The following DIPK2B variants were observed in gnomAD, a reference collection of about 807,000 sequenced individuals.
The protein encoded by DIPK2B is divergent protein kinase domain 2B.
Under a neutral mutation model 22.2 loss-of-function variants are expected in DIPK2B, and 15 were observed. That is an observed-to-expected ratio of 0.68 (90% CI 0.45 to 1.04). DIPK2B has a LOEUF of 1.04. Among genes scored for constraint, DIPK2B ranks in the 50% least tolerant of loss-of-function variants. The pLI, the probability that DIPK2B is intolerant of heterozygous loss-of-function variation, is 0.00. For synonymous variants in DIPK2B, 163 were observed against 153.2 expected (o/e 1.06, Z -0.47); for missense variants, 345 against 348.3 (o/e 0.99, Z 0.08).
chrX:45,156,036 G>T (rs1186483931), intron 3 of DIPK2B, among the ~76,000 whole-genome samples: 4 of 94,896 alleles, frequency 4.2e-5, no homozygotes, highest in Non-Finnish European at 8.1e-5. Flanking sequence ...GTGTGATCTT[G>T]GCTCACTGCA....
chrX:45,190,489 T>C (rs1232038572), intron 2 of DIPK2B, among the ~76,000 whole-genome samples: 2 of 111,441 alleles, frequency 1.8e-5, no homozygotes, highest in Non-Finnish European at 3.8e-5. Context: ...TCAACTATAA[T>C]GCCGGGTGGT....
intron 3 of DIPK2B, among the ~76,000 whole-genome samples, chrX:45,155,195 G>A (rs1210411291): frequency 9.1e-6 from 1 of 109,779 alleles, no homozygotes; most frequent in Non-Finnish European, 1.9e-5. Flanking sequence ...GGCCGACGCA[G>A]GTGGATCACT....
At chrX:45,161,838 C>T (rs1236612231) in intron 2 of DIPK2B, among the ~76,000 whole-genome samples, 1 of 111,733 alleles carries the variant, frequency 8.9e-6, no homozygotes, top group Non-Finnish European at 1.9e-5. Context: ...ATATTGTTTG[C>T]TGAGGTGATT....
chrX:45,195,449 G>A (rs1266294251), intron 1 of DIPK2B, among the ~76,000 whole-genome samples: 3 of 111,795 alleles, frequency 2.7e-5, no homozygotes, highest in Non-Finnish European at 3.8e-5. Flanking sequence ...AGAATAAAAT[G>A]CCCTCTTCTC....
intron 2 of DIPK2B, among the ~76,000 whole-genome samples, chrX:45,172,678 G>A (rs2047089998): frequency 2.7e-5 from 3 of 111,914 alleles, no homozygotes; most frequent in African/African-American, 6.5e-5. Context: ...TCTGGCAGGC[G>A]ATTCAGCTAA....
chrX:45,157,960 A>T, intron 2 of DIPK2B, 72 bp from the exon 3 acceptor site: 11 of 241,761 alleles, frequency 4.5e-5, no homozygotes, highest in South Asian at 1.5e-4. Context: ...GGTTAGCAGG[A>T]GGGGGAATGG....
In DIPK2B at chrX:45,149,576, T is replaced by C. The variant is rs2046950068; in HGVS notation, c.*2076A>G. Reference sequence around the variant, plus strand: ...GGCTTTTCTGGGGTCCATTTTTGAATGGGAGTGAAGGAACCAGAATTGGGT... The same window carrying C: ...GGCTTTTCTGGGGTCCATTTTTGAACGGGAGTGAAGGAACCAGAATTGGGT... On this transcript the variant is annotated 3_prime_UTR_variant, in exon 5 of 5. Transcript: ENST00000398000. 8.9e-6 allele frequency: 1 copy of C among 112,858 alleles called. No homozygotes were observed. The highest frequency in any genetic ancestry group is 3.2e-5 in the African/African-American group (1 of 30,931). 9.3% of individuals were successfully genotyped at this position (112,858 alleles called of 1,213,427 possible).
At chrX:45,177,519 C>T (rs1408826323) in intron 2 of DIPK2B, among the ~76,000 whole-genome samples, 2 of 109,677 alleles carry the variant, frequency 1.8e-5, no homozygotes, top group African/African-American at 3.3e-5. Context: ...CTCCCTCTCT[C>T]TCCATGTGAT....
intron 2 of DIPK2B, among the ~76,000 whole-genome samples, chrX:45,167,119 A>T (rs1447570523): frequency 8.9e-6 from 1 of 112,475 alleles, no homozygotes; most frequent in East Asian, 2.8e-4. Flanking sequence ...GGATAATTAA[A>T]CCAAAAGTTA....
Position 45,149,173 on chromosome X carries a change from C to G in DIPK2B, c.*2479G>C, listed in dbSNP as rs975503675. 3 of 112,548 alleles carry G rather than the reference C, an allele frequency of 2.7e-5. No individual in the cohort carries two copies. The highest frequency in any genetic ancestry group is 9.4e-5 in the Admixed American group (1 of 10,649). 9.3% of individuals were successfully genotyped at this position (112,548 alleles called of 1,213,427 possible). A position where few individuals can be genotyped will look rare whatever the true frequency, so the allele number is the denominator to read the frequency against. On this transcript the variant is annotated 3_prime_UTR_variant, in exon 5 of 5. Coordinates refer to ENST00000398000, the MANE Select transcript of DIPK2B (RefSeq NM_176819.4). Reference sequence around the variant, plus strand: ...GAGGCATTTTGCGGTGGAAACACACCTGGATGCAGGGAGAAGGGCTGGGGC... The same window carrying G: ...GAGGCATTTTGCGGTGGAAACACACGTGGATGCAGGGAGAAGGGCTGGGGC...
At chrX:45,165,967 T>C (rs960083581) in intron 2 of DIPK2B, among the ~76,000 whole-genome samples, 3 of 112,010 alleles carry the variant, frequency 2.7e-5, no homozygotes, top group Non-Finnish European at 5.6e-5. Flanking sequence ...TGTCCCCTTA[T>C]AGCTGAAGCT....
chrX:45,163,089 A>G (rs2047030324), intron 2 of DIPK2B: 1 of 286,863 alleles, frequency 3.5e-6, no homozygotes, highest in African/African-American at 2.9e-5. Flanking sequence ...TGTGATTAGC[A>G]CCTACAATCA....
At chrX:45,176,915 C>T (rs1308795080) in intron 2 of DIPK2B, among the ~76,000 whole-genome samples, 2 of 111,426 alleles carry the variant, frequency 1.8e-5, no homozygotes, top group African/African-American at 6.5e-5. Flanking sequence ...CCCTTCTTGC[C>T]CAAATTGGGT....
intron 2 of DIPK2B, among the ~76,000 whole-genome samples, chrX:45,179,726 A>T (rs1026327954): frequency 5.4e-5 from 6 of 111,752 alleles, no homozygotes; most frequent in Non-Finnish European, 1.1e-4. Flanking sequence ...AGAATGTCCA[A>T]ACTAAGAACA....
At chrX:45,171,596 A>G (rs2047082011) in intron 2 of DIPK2B, among the ~76,000 whole-genome samples, 1 of 110,862 alleles carries the variant, frequency 9.0e-6, no homozygotes, top group African/African-American at 3.3e-5. Context: ...TCTACTTCCC[A>G]CAGTCATGCC....
At chrX:45,152,064 A>C in intron 4 of DIPK2B, 72 bp from the exon 5 acceptor site, 1 of 999,611 alleles carries the variant, frequency 1.0e-6, no homozygotes, top group Non-Finnish European at 1.3e-6. Context: ...ACTAATTAGA[A>C]TTCCTGGGTG....
chrX:45,160,671 C>A (rs2047018014), intron 2 of DIPK2B, among the ~76,000 whole-genome samples: 1 of 111,767 alleles, frequency 8.9e-6, no homozygotes, highest in Non-Finnish European at 1.9e-5. Flanking sequence ...GTGCTAGAAA[C>A]TACAGGGGGT....
chrX:45,174,847 A>G, intron 2 of DIPK2B, among the ~76,000 whole-genome samples: 1 of 111,812 alleles, frequency 8.9e-6, no homozygotes, highest in Non-Finnish European at 1.9e-5. Flanking sequence ...TATCCCCCCA[A>G]AAATCTCTTT....
At chrX:45,188,787 GTC>G (rs1246432454) in intron 2 of DIPK2B, among the ~76,000 whole-genome samples, 1 of 111,060 alleles carries the variant, frequency 9.0e-6, no homozygotes, top group Non-Finnish European at 1.9e-5. Context: ...TTTCCTCTCT[GTC>G]TCTATGGATT....
Sources: gnomAD v4.1 joint callset for allele counts (sites outside exome capture counted in the v4.1 genomes callset) on GRCh38, gnomAD v4.1.1 for gene constraint, MANE v1.5 for transcripts, NCBI Gene and HGNC (gene_info 2026-07-23, HGNC 2026-07-21) for gene names.